The following SRL variants were observed in gnomAD, a reference collection of about 807,000 sequenced individuals.
SRL encodes the protein sarcalumenin.
A neutral mutation model predicts 39.5 loss-of-function variants in SRL; 23 were observed. That is an observed-to-expected ratio of 0.58 (90% confidence interval 0.42 to 0.82). The LOEUF is 0.82. SRL is among the 40% of genes least tolerant of loss of function. The pLI, the probability that SRL is intolerant of heterozygous loss-of-function variation, is 0.00. For missense variants in SRL, 592 were observed against 607.8 expected (o/e 0.97, Z 0.27); for synonymous variants, 272 against 237.4 (o/e 1.15, Z -1.34).
In SRL at chr16:4,196,993, T is replaced by A. The variant is rs1383733185; in HGVS notation, c.376+806A>T. On this transcript the variant is annotated intron_variant, in intron 4 of 5. Transcript: ENST00000399609. ...TGACTGGTTTCCATGTTTTGGCTAT[T>A]GTGAATAATGCTGCTATGGACATTG... is the stretch of plus-strand genomic sequence containing the variant. Among the ~76,000 whole-genome samples the A allele has an allele frequency of 4.6e-5, 7 of 152,134 alleles. No individual in the cohort carries two copies. In the East Asian group the frequency reaches 1.3e-3, roughly 29 times the overall value.
At chr16:4,237,814 A>T (rs186157058) in intron 1 of SRL, among the ~76,000 whole-genome samples, 6 of 152,022 alleles carry the variant, frequency 3.9e-5, no homozygotes, top group Non-Finnish European at 8.8e-5. Context: ...GCCCAGCTCA[A>T]ATATTCCCTC....
At chr16:4,203,061 C>G (rs1365936469) in intron 3 of SRL, 105 bp downstream of exon 3, 2 of 980,398 alleles carry the variant, frequency 2.0e-6, no homozygotes, top group Non-Finnish European at 1.6e-6. Context: ...GCTCCTGAAC[C>G]TGTGTGGGTA....
At chr16:4,197,362 T>G (rs1251777688) in intron 4 of SRL, among the ~76,000 whole-genome samples, 1 of 151,138 alleles carries the variant, frequency 6.6e-6, no homozygotes, top group Non-Finnish European at 1.5e-5. Context: ...AAAGCCACCA[T>G]GCACAGCCTT....
At chr16:4,220,278 A>AACACACACACACAC (rs71394664) in intron 1 of SRL, among the ~76,000 whole-genome samples, 5,221 of 140,664 alleles carry the variant, frequency 0.037, 131 homozygotes, top group African/African-American at 0.052. Context: ...TCTCTACTAA[A>AACACACACACACAC]ACACACACAC....
chr16:4,230,539 A>G (rs2052648530), intron 1 of SRL, among the ~76,000 whole-genome samples: 1 of 150,716 alleles, frequency 6.6e-6, no homozygotes, highest in Admixed American at 6.6e-5. Context: ...CACCACTATG[A>G]CTGGCTAATT....
Position 4,192,816 on chromosome 16 carries a change from G to A in SRL, c.759C>T (p.Ile253=). Residue 253 remains isoleucine, a synonymous_variant, in exon 6 of 6, where the codon ATC becomes ATT. Coordinates refer to ENST00000399609, the MANE Select transcript of SRL (RefSeq NM_001098814.2). The surrounding 1 kb of genome is among the most constrained non-coding windows in gnomAD (Gnocchi z 4.0). ...LKGRESQIRI[I]LNKADNLATQ... is the part of the protein sequence containing the mutation. Reference sequence around the variant, plus strand: ...TGGCCAGATTGTCAGCCTTGTTCAGGATGATCCTTATCTGGGATTCACGCC... The same window carrying A: ...TGGCCAGATTGTCAGCCTTGTTCAGAATGATCCTTATCTGGGATTCACGCC... The A allele has an allele frequency of 6.2e-7, 1 of 1,614,208 alleles. No homozygotes were observed. Among genetic ancestry groups the A allele is most frequent in the East Asian group, 2.2e-5 (1 of 44,882 alleles).
chr16:4,195,300 A>G (rs1339041766), intron 5 of SRL, among the ~76,000 whole-genome samples: 1 of 152,124 alleles, frequency 6.6e-6, no homozygotes, highest in South Asian at 2.1e-4. Flanking sequence ...CAGCTCAAGC[A>G]ATCTTCCCAC....
intron 1 of SRL, among the ~76,000 whole-genome samples, chr16:4,212,645 C>T (rs1459294061): frequency 6.6e-6 from 1 of 152,224 alleles, no homozygotes; most frequent in African/African-American, 2.4e-5. Flanking sequence ...CCCCCCGACT[C>T]CGGCCAGGCC....
chr16:4,223,481 G>A (rs1292939843), intron 1 of SRL, among the ~76,000 whole-genome samples: 5 of 151,640 alleles, frequency 3.3e-5, no homozygotes, highest in Non-Finnish European at 5.9e-5. Flanking sequence ...GGGCTCAAAC[G>A]ATCCTCCCAC....
Position 4,224,685 on chromosome 16 carries a change from A to G in SRL, c.61+17322T>C, listed in dbSNP as rs546958050. Reference sequence around the variant, plus strand: ...GAGATTGCGCCACTGCACTCACTGCACTCTCGCCTGGGCAACAGAGCAAGA... The same window carrying G: ...GAGATTGCGCCACTGCACTCACTGCGCTCTCGCCTGGGCAACAGAGCAAGA... On this transcript the variant is annotated intron_variant, in intron 1 of 5. Coordinates refer to ENST00000399609, the MANE Select transcript of SRL (RefSeq NM_001098814.2). Among the ~76,000 whole-genome samples the G allele has an allele frequency of 1.6e-4, 24 of 151,570 alleles. No homozygotes were observed. The South Asian group carries it at 4.8e-3, about 30-fold the overall frequency.
intron 1 of SRL, among the ~76,000 whole-genome samples, chr16:4,226,742 A>G (rs193040103): frequency 4.0e-5 from 6 of 150,832 alleles, no homozygotes; most frequent in African/African-American, 1.5e-4. Flanking sequence ...AGATGGATGG[A>G]AGGATGGAAG....
rs766418227 is a variant in SRL, at chr16:4,214,770, C to CT, written c.62-10137dup. On this transcript the variant is annotated intron_variant, in intron 1 of 5. Coordinates refer to ENST00000399609, the MANE Select transcript of SRL (RefSeq NM_001098814.2). ...CTGCTCAGGACCCCTTGCTCTTCCA[C>CT]TTTTTTTTTTTTTTTTAGACGAAGT... Among the ~76,000 whole-genome samples the CT allele has an allele frequency of 9.0e-3, 1,268 of 141,066 alleles. 10 individuals carry two copies. The highest frequency in any genetic ancestry group is 0.019 in the African/African-American group (737 of 38,756). 92.5% of individuals were successfully genotyped at this position (141,066 alleles called of 152,430 possible).
In SRL at chr16:4,232,801, C is replaced by T. The variant is rs868237133; in HGVS notation, c.61+9206G>A. Reference sequence around the variant, plus strand: ...TGCTGGGATTGCAGGCAAGAGCCACCGTGCCCAGCCTAGGGGAAATTCTAT... The same window carrying T: ...TGCTGGGATTGCAGGCAAGAGCCACTGTGCCCAGCCTAGGGGAAATTCTAT... On this transcript the variant is annotated intron_variant, in intron 1 of 5. Coordinates refer to ENST00000399609, the MANE Select transcript of SRL (RefSeq NM_001098814.2). 1.1e-4 allele frequency among the ~76,000 whole-genome samples: 17 copies of T among 152,310 alleles called. No individual in the cohort carries two copies. The South Asian group carries it at 2.3e-3, about 20-fold the overall frequency.
rs761673926 is a variant in SRL, at chr16:4,189,853, G to A, written c.*2300C>T. On this transcript the variant is annotated 3_prime_UTR_variant, in exon 6 of 6. Transcript: ENST00000399609. The stretch of plus-strand genomic sequence containing the variant: ...TTTTTGTTTTTCCCCTGACTACACA[G>A]AAAAACAGATCTGCCAAAGCAGCTC... 8.4e-4 allele frequency: 136 copies of A among 161,244 alleles called. No homozygotes were observed. The highest frequency in any genetic ancestry group is 1.4e-3 in the Non-Finnish European group (107 of 74,482). 10.0% of individuals were successfully genotyped at this position (161,244 alleles called of 1,614,324 possible).
At chr16:4,227,439 GTGTGGGTGCGTGGATA>G (rs1345983770) in intron 1 of SRL, among the ~76,000 whole-genome samples, 2 of 151,976 alleles carry the variant, frequency 1.3e-5, no homozygotes, top group East Asian at 3.9e-4. Flanking sequence ...AAGGATGGAT[GTGTGGGTGCGTGGATA>G]AGTGAATGGA....
rs2052167778 is a variant in SRL, at chr16:4,197,700, A to C, written c.376+99T>G. On this transcript the variant is annotated intron_variant, in intron 4 of 5. Coordinates refer to ENST00000399609, the MANE Select transcript of SRL (RefSeq NM_001098814.2). ...CTTGGCCTCCCAATGTGCTGGGATTACAGGCATGAGTCATAATGTCCGGCC... is the reference window on the plus strand; with the variant it reads ...CTTGGCCTCCCAATGTGCTGGGATTCCAGGCATGAGTCATAATGTCCGGCC... 1.5e-5 allele frequency: 14 copies of C among 922,434 alleles called. No homozygotes were observed. The South Asian group carries it at 2.0e-4, about 13-fold the overall frequency. 57.1% of individuals were successfully genotyped at this position (922,434 alleles called of 1,614,324 possible).
intron 1 of SRL, among the ~76,000 whole-genome samples, chr16:4,210,943 C>G (rs2052385156): frequency 6.6e-6 from 1 of 152,136 alleles, no homozygotes; most frequent in African/African-American, 2.4e-5. Flanking sequence ...CCAGCCTGGA[C>G]CCATTGAATC....
intron 4 of SRL, among the ~76,000 whole-genome samples, chr16:4,196,185 T>C (rs2386879): frequency 0.5 from 76,006 of 151,952 alleles, 19,270 homozygotes; most frequent in South Asian, 0.63. Context: ...GGTCTCGAAC[T>C]TCTGACCTTA....
At chr16:4,198,065 T>C in intron 3 of SRL, 150 bp from the exon 4 acceptor site, 1 of 635,110 alleles carries the variant, frequency 1.6e-6, no homozygotes, top group East Asian at 2.7e-5. Flanking sequence ...GTGGCGCTTC[T>C]CTTGCTACGT....
Sources: gnomAD v4.1 joint callset for allele counts (sites outside exome capture counted in the v4.1 genomes callset) on GRCh38, gnomAD v4.1.1 for gene constraint, Gnocchi (gnomAD v3.1) non-coding constraint, MANE v1.5 for transcripts, NCBI Gene and HGNC (gene_info 2026-07-23, HGNC 2026-07-21) for gene names.